Variants in IQCB1 observed in about 807,000 individuals in gnomAD.
The protein encoded by IQCB1 is IQ calmodulin-binding motif-containing protein 1.
Under a neutral mutation model 84.4 loss-of-function variants are expected in IQCB1, and 56 were observed. The ratio of observed to expected loss-of-function variants is 0.66; its 90% CI spans 0.54 to 0.83. The LOEUF (loss-of-function observed/expected upper bound fraction) is 0.83. Among genes scored for constraint, IQCB1 ranks in the 40% least tolerant of loss-of-function variants. IQCB1 has a pLI of 0.00. For synonymous variants in IQCB1, 210 were observed against 234.8 expected, an observed-to-expected ratio of 0.89 and a Z score of 0.96; for missense variants, 629 against 682.1, an observed-to-expected ratio of 0.92 and a Z score of 0.87.
intron 5 of IQCB1, among the ~76,000 whole-genome samples, chr3:121,811,343 T>A (rs958059046): frequency 2.6e-5 from 4 of 152,056 alleles, no homozygotes; most frequent in African/African-American, 9.7e-5. Context: ...TGGTCAGCTG[T>A]TTGGGCAGAC....
At chr3:121,832,945 A>G (rs1016799414) in intron 2 of IQCB1, among the ~76,000 whole-genome samples, 1 of 152,254 alleles carries the variant, frequency 6.6e-6, no homozygotes. Context: ...TTCATGCACT[A>G]TGTATACATA....
chr3:121,826,413 C>A (rs546053137), intron 4 of IQCB1, among the ~76,000 whole-genome samples: 1 of 152,300 alleles, frequency 6.6e-6, no homozygotes, highest in South Asian at 2.1e-4. Context: ...CATATCAGCT[C>A]ATTCAGCAAA....
At chr3:121,797,701 T>A (rs1441839603) in intron 8 of IQCB1, among the ~76,000 whole-genome samples, 4 of 152,034 alleles carry the variant, frequency 2.6e-5, no homozygotes, top group Non-Finnish European at 5.9e-5. Flanking sequence ...TATAAACATA[T>A]GGTAACATAT....
intron 14 of IQCB1, among the ~76,000 whole-genome samples, chr3:121,772,232 T>C (rs1375706272): frequency 6.6e-6 from 1 of 152,190 alleles, no homozygotes; most frequent in African/African-American, 2.4e-5. Context: ...ACTGTAACTA[T>C]TGTCATCATC....
At chr3:121,813,191 A>C (rs1028063632) in intron 5 of IQCB1, among the ~76,000 whole-genome samples, 3 of 152,238 alleles carry the variant, frequency 2.0e-5, no homozygotes, top group Non-Finnish European at 4.4e-5. Flanking sequence ...CTTATGAAGG[A>C]GAAATAAAAT....
At chr3:121,799,609 A>G (rs924845476) in intron 7 of IQCB1, among the ~76,000 whole-genome samples, 1 of 151,916 alleles carries the variant, frequency 6.6e-6, no homozygotes, top group Admixed American at 6.6e-5. Context: ...TAGAGAATAC[A>G]AAGTAGCCAA....
chr3:121,827,363 A>C (rs1402482247), intron 4 of IQCB1, among the ~76,000 whole-genome samples: 1 of 152,090 alleles, frequency 6.6e-6, no homozygotes, highest in Non-Finnish European at 1.5e-5. Context: ...TAATGGGCTA[A>C]TGCTCACATG....
At chr3:121,797,658 A>G (rs1350991313) in intron 8 of IQCB1, among the ~76,000 whole-genome samples, 1 of 152,108 alleles carries the variant, frequency 6.6e-6, no homozygotes, top group African/African-American at 2.4e-5. Context: ...GCAGATTATT[A>G]TTAGTCATTA....
At chr3:121,803,778 G>A (rs1949501457) in intron 7 of IQCB1, among the ~76,000 whole-genome samples, 1 of 152,036 alleles carries the variant, frequency 6.6e-6, no homozygotes, top group Non-Finnish European at 1.5e-5. Flanking sequence ...AACTTTCTGT[G>A]GTATAAGCAC....
intron 2 of IQCB1, among the ~76,000 whole-genome samples, chr3:121,832,649 A>G (rs771460800): frequency 2.0e-5 from 3 of 152,140 alleles, no homozygotes; most frequent in Non-Finnish European, 4.4e-5. Context: ...TTTACATATG[A>G]AATATAACAA....
At chr3:121,800,890 T>C (rs1298554188) in intron 7 of IQCB1, among the ~76,000 whole-genome samples, 2 of 151,966 alleles carry the variant, frequency 1.3e-5, no homozygotes, top group Non-Finnish European at 2.9e-5. Flanking sequence ...TATTTCACTA[T>C]ACTATCCTTG....
chr3:121,821,390 A>G (rs1576609341), intron 5 of IQCB1, among the ~76,000 whole-genome samples: 1 of 152,170 alleles, frequency 6.6e-6, no homozygotes, highest in African/African-American at 2.4e-5. Context: ...TAATGCCCTC[A>G]TATTTCCAAA....
Position 121,795,321 on chromosome 3 carries a change from C to T in IQCB1, c.986+136G>A, listed in dbSNP as rs1180391619. On this transcript the variant is annotated intron_variant, in intron 10 of 14. Transcript: ENST00000310864. ...CATCTGGTTACTGGAGTGTTGGTACCCAGAAACGTATGGAAAAAAAATGAA... is the reference window on the plus strand; with the variant it reads ...CATCTGGTTACTGGAGTGTTGGTACTCAGAAACGTATGGAAAAAAAATGAA... 3 of 693,100 alleles carry T rather than the reference C, an allele frequency of 4.3e-6. No individual in the cohort carries two copies. The African/African-American group carries it at 5.4e-5, about 12-fold the overall frequency. The allele number at this position is 693,100 out of a possible 1,614,324, so 42.9% of individuals were successfully genotyped here.
At position 121,797,244 on chromosome 3, in the gene IQCB1, A is replaced by G; in HGVS notation, c.767-17T>C. On this transcript the variant is annotated splice_polypyrimidine_tract_variant and intron_variant, in intron 8 of 14. Coordinates refer to ENST00000310864, the MANE Select transcript of IQCB1 (RefSeq NM_001023570.4). ...GTCTGAGTCCTGAAATGGAATAGCA[A>G]AAGGTACAACTATTATTATAATAAT... 8.9e-7 allele frequency: 1 copy of G among 1,124,846 alleles called. No individual in the cohort carries two copies. The highest frequency in any genetic ancestry group is 1.4e-6 in the Non-Finnish European group (1 of 737,184). The allele number at this position is 1,124,846 out of a possible 1,614,324, so 69.7% of individuals were successfully genotyped here.
Position 121,790,229 on chromosome 3 carries a change from A to T in IQCB1, c.987-14T>A. 1 of 1,612,082 alleles carries T rather than the reference A, an allele frequency of 6.2e-7. No individual in the cohort carries two copies. The highest frequency in any genetic ancestry group is 1.1e-5 in the South Asian group (1 of 91,026). ...GATCGTTTGGATCTGTGATGGAAAC[A>T]GTGTGTTATACATAATTTTCATAAA... is the stretch of plus-strand genomic sequence containing the variant. On this transcript the variant is annotated splice_polypyrimidine_tract_variant and intron_variant, in intron 10 of 14. Transcript: ENST00000310864.
chr3:121,774,839 A>G (rs1948156423), intron 13 of IQCB1, among the ~76,000 whole-genome samples: 1 of 152,212 alleles, frequency 6.6e-6, no homozygotes. Context: ...TGCACAAACA[A>G]TATGAATGTA....
At chr3:121,776,132 T>A in intron 13 of IQCB1, among the ~76,000 whole-genome samples, 1 of 152,112 alleles carries the variant, frequency 6.6e-6, no homozygotes. Context: ...CCATCACTGC[T>A]CACTGCAGCC....
chr3:121,801,698 T>C (rs1225744075), intron 7 of IQCB1, among the ~76,000 whole-genome samples: 2 of 151,962 alleles, frequency 1.3e-5, no homozygotes, highest in African/African-American at 2.4e-5. Flanking sequence ...AAAAGCTTCC[T>C]TGTATTTCAT....
rs551823768 is a variant in IQCB1 at position 121,774,528 on chromosome 3, C to T, written c.1411-1815G>A. On this transcript the variant is annotated intron_variant, in intron 13 of 14. Coordinates refer to ENST00000310864, the MANE Select transcript of IQCB1 (RefSeq NM_001023570.4). The stretch of plus-strand genomic sequence containing the variant: ...CACAATAGCCAAAGGGTGGACGGAA[C>T]CCAAGTGTTCCTTGGATAAACAAAA... Among the ~76,000 whole-genome samples the T allele has an allele frequency of 1.6e-4, 24 of 152,290 alleles. No individual in the cohort carries two copies. The South Asian group carries it at 5.0e-3, about 32-fold the overall frequency.
Sources: allele counts gnomAD v4.1 joint callset (sites outside exome capture counted in the v4.1 genomes callset), GRCh38; gene constraint gnomAD v4.1.1; transcripts MANE v1.5; gene names NCBI Gene and HGNC (gene_info 2026-07-23, HGNC 2026-07-21).